ASMT: variants seen among roughly 807,000 people sequenced by gnomAD.
ASMT encodes the protein acetylserotonin O-methyltransferase.
ASMT carries 53 observed loss-of-function variants against 41.3 expected under a neutral mutation model. The observed-to-expected ratio is 1.28, with a 90% CI of 1.03 to 1.61. ASMT has a LOEUF of 1.61. Among genes scored for constraint, ASMT ranks in the 40% most tolerant of loss-of-function variants. The pLI is 0.00. For synonymous variants in ASMT, 231 were observed against 184.8 expected (o/e 1.25, Z -2.03); for missense variants, 531 against 441.3 (o/e 1.20, Z -1.82).
chrX:1,634,671 T>G (rs1165591937), intron 7 of ASMT, among the ~76,000 whole-genome samples: 20 of 147,166 alleles, frequency 1.4e-4, no homozygotes, highest in African/African-American at 5.0e-4. Flanking sequence ...CCTTTTTTTT[T>G]CTTGTTTTTT....
intron 8 of ASMT, 23 bp downstream of exon 8, chrX:1,636,583 C>T: frequency 1.9e-6 from 3 of 1,613,858 alleles, no homozygotes; most frequent in Non-Finnish European, 2.5e-6. Flanking sequence ...GTTTGCATTT[C>T]AGCGTGTGCT....
intron 5 of ASMT, 60 bp downstream of exon 5, chrX:1,629,999 TG>T: frequency 7.4e-7 from 1 of 1,360,012 alleles, no homozygotes; most frequent in South Asian, 1.2e-5. Context: ...ATGGGGAATG[TG>T]TTATTCATGT....
intron 8 of ASMT, among the ~76,000 whole-genome samples, chrX:1,637,099 C>G (rs1460293013): frequency 8.5e-6 from 1 of 117,824 alleles, no homozygotes. Flanking sequence ...AGGACTGTGT[C>G]CCAGCTCTCC....
intron 4 of ASMT, 119 bp from the exon 5 acceptor site, chrX:1,629,702 A>C: frequency 1.1e-6 from 1 of 929,350 alleles, no homozygotes; most frequent in Non-Finnish European, 1.8e-6. Flanking sequence ...CACAAATGCA[A>C]GCCTTCCAGG....
intron 5 of ASMT, among the ~76,000 whole-genome samples, chrX:1,631,389 G>C (rs1423976517): frequency 1.3e-5 from 2 of 151,460 alleles, no homozygotes; most frequent in Non-Finnish European, 2.9e-5. Flanking sequence ...CCAACCCCGA[G>C]CTCACCCCTT....
chrX:1,622,881 C>T (rs1470527437), intron 1 of ASMT, among the ~76,000 whole-genome samples: 1 of 151,512 alleles, frequency 6.6e-6, no homozygotes, highest in Non-Finnish European at 1.5e-5. Context: ...CACTGCCCTC[C>T]AGCCTGGGTG....
chrX:1,634,810 T>C lies in ASMT; in HGVS notation c.787+1520T>C, dbSNP rs1279080799. Among the ~76,000 whole-genome samples the C allele has an allele frequency of 4.0e-5, 6 of 151,648 alleles. No homozygotes were observed. In the South Asian group the frequency reaches 8.3e-4, roughly 21 times the overall value. The stretch of plus-strand genomic sequence containing the variant: ...TCCTAAGTAGCTGAGATTTTACAGG[T>C]GCCTATCACCATGCCTGGCTAATTT... On this transcript the variant is annotated intron_variant, in intron 7 of 8. Coordinates refer to ENST00000381241, the MANE Select transcript of ASMT (RefSeq NM_001171038.2).
At chrX:1,617,929 A>G (rs1398767371) in intron 1 of ASMT, among the ~76,000 whole-genome samples, 1 of 152,148 alleles carries the variant, frequency 6.6e-6, no homozygotes, top group Non-Finnish European at 1.5e-5. Context: ...GGAACACCAC[A>G]TCTTAGGAAG....
rs757232459 is a variant in ASMT, at chrX:1,616,944, A to G, written c.69+1676A>G. 2.3e-3 allele frequency among the ~76,000 whole-genome samples: 352 copies of G among 151,668 alleles called. 1 individual carries two copies. The highest frequency in any genetic ancestry group is 4.8e-3 in the African/African-American group (199 of 41,446). ...AGGATGGTCTCGATCTCCTGACCTC[A>G]TGATCCGCCCGCCTCGGCCTCCCAA... On this transcript the variant is annotated intron_variant, in intron 1 of 8. Coordinates refer to ENST00000381241, the MANE Select transcript of ASMT (RefSeq NM_001171038.2).
chrX:1,636,901 T>C (rs1195597701), intron 8 of ASMT, among the ~76,000 whole-genome samples: 1 of 143,322 alleles, frequency 7.0e-6, no homozygotes, highest in Admixed American at 7.0e-5. Flanking sequence ...CATGAGGATG[T>C]GGGCACAGCC....
chrX:1,642,718 TG>T, intron 8 of ASMT, 84 bp from the exon 9 acceptor site: 1 of 1,280,298 alleles, frequency 7.8e-7, no homozygotes, highest in Non-Finnish European at 1.1e-6. Context: ...CTCTGAGGTC[TG>T]GCTGTCCTTA....
chrX:1,631,108 G>T (rs193285034), intron 5 of ASMT, among the ~76,000 whole-genome samples: 1 of 151,070 alleles, frequency 6.6e-6, no homozygotes, highest in African/African-American at 2.4e-5. Flanking sequence ...TAGAGACGGG[G>T]TTTCTCCGTG....
At chrX:1,637,138 C>G (rs62593347) in intron 8 of ASMT, among the ~76,000 whole-genome samples, 10 of 66,878 alleles carry the variant, frequency 1.5e-4, no homozygotes, top group Admixed American at 9.2e-4. Context: ...TGATGCTTCA[C>G]GAGGACGTGG....
intron 1 of ASMT, 97 bp downstream of exon 1, chrX:1,615,365 C>T (rs1603460971): frequency 8.4e-7 from 1 of 1,189,524 alleles, no homozygotes; most frequent in African/African-American, 1.5e-5. Flanking sequence ...GAGTCTCCAT[C>T]ATTTTAGGAG....
At chrX:1,615,760 C>G (rs374982504) in intron 1 of ASMT, among the ~76,000 whole-genome samples, 1 of 151,680 alleles carries the variant, frequency 6.6e-6, no homozygotes, top group Non-Finnish European at 1.5e-5. Context: ...CGAGATCGCA[C>G]CACTGCACTC....
intron 1 of ASMT, among the ~76,000 whole-genome samples, chrX:1,615,524 C>T (rs1250605564): frequency 6.6e-6 from 1 of 152,044 alleles, no homozygotes; most frequent in Non-Finnish European, 1.5e-5. Context: ...TACATTGGGC[C>T]AGTCGTGGTG....
intron 2 of ASMT, among the ~76,000 whole-genome samples, chrX:1,623,559 A>G (rs1396133830): frequency 2.6e-5 from 4 of 152,154 alleles, no homozygotes; most frequent in Non-Finnish European, 4.4e-5. Flanking sequence ...AGATCGTGCC[A>G]CTGCACTCCA....
intron 1 of ASMT, among the ~76,000 whole-genome samples, chrX:1,617,140 T>A (rs1384807625): frequency 6.6e-6 from 1 of 151,862 alleles, no homozygotes; most frequent in Non-Finnish European, 1.5e-5. Flanking sequence ...ACCACTGCAC[T>A]CCAGCCTGGA....
Position 1,642,926 on chromosome X carries a change from A to ATAGT in ASMT, c.1034_1035insTAGT (p.His346SerfsTer16). ...GGGCAGGAGAGGACCCCCACCCACT[A>ATAGT]CCACATGCTCCTCTCTTCTGCTGGC... On this transcript the variant is annotated frameshift_variant, in exon 9 of 9. Transcript: ENST00000381241. LOFTEE classifies it high-confidence loss of function. 6.2e-7 allele frequency: 1 copy of ATAGT among 1,613,858 alleles called. No homozygotes were observed.
Sources: allele counts gnomAD v4.1 joint callset (sites outside exome capture counted in the v4.1 genomes callset), GRCh38; gene constraint gnomAD v4.1.1; transcripts MANE v1.5; gene names NCBI Gene and HGNC (gene_info 2026-07-23, HGNC 2026-07-21).